Variants in CLEC16A observed in about 807,000 individuals in gnomAD.
The protein encoded by CLEC16A is C-type lectin domain containing 16A, also known as protein CLEC16A.
In CLEC16A, 51 loss-of-function variants were observed where a neutral mutation model predicts 109.5. The ratio of observed to expected loss-of-function variants is 0.47; its 90% confidence interval spans 0.37 to 0.59. CLEC16A has a LOEUF of 0.59. Among genes scored for constraint, CLEC16A ranks in the 20% least tolerant of loss-of-function variants. The pLI is 0.00. For missense variants in CLEC16A, 1,339 were observed against 1,394.0 expected, an observed-to-expected ratio of 0.96 and a Z score of 0.63; for synonymous variants, 673 against 564.2, an observed-to-expected ratio of 1.19 and a Z score of -2.73.
chr16:11,114,128 CGTGT>C (rs3030600), intron 19 of CLEC16A, among the ~76,000 whole-genome samples: 10,307 of 127,110 alleles, frequency 0.081, 391 homozygotes, highest in Non-Finnish European at 0.099. Flanking sequence ...TGAGGATGGC[CGTGT>C]GTGTGTGTGT....
chr16:11,082,907 T>A (rs2049806998), intron 19 of CLEC16A, among the ~76,000 whole-genome samples: 1 of 152,150 alleles, frequency 6.6e-6, no homozygotes, highest in African/African-American at 2.4e-5. Flanking sequence ...TCCATCCAGT[T>A]AGGGAGAGTG....
rs552988990 is a variant in CLEC16A, at chr16:11,020,146, G to A, written c.1304-47G>A. On this transcript the variant is annotated intron_variant, in intron 11 of 23. Coordinates refer to ENST00000409790, the MANE Select transcript of CLEC16A (RefSeq NM_015226.3). ...ACATGAGCATGTGTATAAATCTAGG[G>A]CTGAAAAGCTGTCTGGACTCATCCC... 5.1e-6 allele frequency: 8 copies of A among 1,561,830 alleles called. No homozygotes were observed. In the South Asian group the frequency reaches 7.1e-5, roughly 14 times the overall value.
chr16:11,098,227 A>G lies in CLEC16A; in HGVS notation c.2117-22388A>G, dbSNP rs553579913. On this transcript the variant is annotated intron_variant, in intron 19 of 23. Coordinates refer to ENST00000409790, the MANE Select transcript of CLEC16A (RefSeq NM_015226.3). ...AATGAGTTCTCAGTGCCCACCCCTC[A>G]ACAGAAAAGCCAGAAGATGGAGACA... 2.6e-5 allele frequency among the ~76,000 whole-genome samples: 4 copies of G among 152,272 alleles called. No individual in the cohort carries two copies. The South Asian group carries it at 8.3e-4, about 32-fold the overall frequency.
intron 10 of CLEC16A, among the ~76,000 whole-genome samples, chr16:10,998,022 CT>C (rs2044431385): frequency 6.6e-6 from 1 of 152,170 alleles, no homozygotes; most frequent in Admixed American, 6.5e-5. Context: ...GGCACCCAGT[CT>C]TTGGTTGTTT....
chr16:11,011,699 C>T (rs1333412598), intron 11 of CLEC16A, among the ~76,000 whole-genome samples: 1 of 152,180 alleles, frequency 6.6e-6, no homozygotes, highest in East Asian at 1.9e-4. Context: ...GCTAGGAAAT[C>T]TATGTATGTA....
intron 19 of CLEC16A, among the ~76,000 whole-genome samples, chr16:11,082,222 A>G (rs570723138): frequency 4.1e-4 from 62 of 152,316 alleles, no homozygotes; most frequent in African/African-American, 1.3e-3. Context: ...GTGTGTATGT[A>G]CACCTGTACA....
intron 19 of CLEC16A, among the ~76,000 whole-genome samples, chr16:11,119,462 C>T (rs910256451): frequency 3.9e-5 from 6 of 152,180 alleles, no homozygotes; most frequent in Admixed American, 1.3e-4. Flanking sequence ...GATCATGGCT[C>T]ATTGCAGCCT....
intron 1 of CLEC16A, 71 bp downstream of exon 1, chr16:10,944,868 G>A (rs923654057): frequency 1.0e-5 from 14 of 1,399,104 alleles, no homozygotes; most frequent in East Asian, 2.5e-5. Context: ...TCCGGGTCGG[G>A]GCTCTAGGAG....
intron 3 of CLEC16A, among the ~76,000 whole-genome samples, chr16:10,965,850 A>T (rs946203576): frequency 2.0e-5 from 3 of 152,218 alleles, no homozygotes; most frequent in African/African-American, 7.2e-5. Context: ...GAGGCCCTGG[A>T]AAAGTCCCTG....
chr16:11,033,840 G>A (rs375269033), intron 13 of CLEC16A, among the ~76,000 whole-genome samples: 8 of 152,372 alleles, frequency 5.3e-5, no homozygotes, highest in Non-Finnish European at 1.0e-4. Flanking sequence ...TTGTGATTCA[G>A]TTGGGCCACA....
chr16:10,959,771 C>G (rs767227344), intron 2 of CLEC16A, among the ~76,000 whole-genome samples: 4 of 151,516 alleles, frequency 2.6e-5, no homozygotes, highest in African/African-American at 9.7e-5. Context: ...TCCCCCTTGA[C>G]TAGAATGGAC....
chr16:10,964,683 G>T (rs2042416228), intron 3 of CLEC16A, among the ~76,000 whole-genome samples: 1 of 152,204 alleles, frequency 6.6e-6, no homozygotes, highest in Non-Finnish European at 1.5e-5. Flanking sequence ...ATTGAGATGG[G>T]GGTGGGGCGA....
intron 13 of CLEC16A, 85 bp from the exon 14 acceptor site, chr16:11,039,669 G>A: frequency 2.1e-6 from 3 of 1,427,058 alleles, no homozygotes; most frequent in Non-Finnish European, 2.8e-6. Context: ...CTGAAGTTGA[G>A]GAAACCCCAC....
At chr16:11,176,921 T>G (rs1346058595) in intron 23 of CLEC16A, among the ~76,000 whole-genome samples, 1 of 152,236 alleles carries the variant, frequency 6.6e-6, no homozygotes, top group Non-Finnish European at 1.5e-5. Context: ...TATTTCGTTC[T>G]TTGTTTTTCC....
intron 19 of CLEC16A, among the ~76,000 whole-genome samples, chr16:11,109,674 C>T (rs1022227479): frequency 2.8e-4 from 43 of 152,198 alleles, no homozygotes; most frequent in Non-Finnish European, 4.9e-4. Context: ...ACCACAGCCC[C>T]TCCCTCACAC....
chr16:10,977,093 G>A (rs1439368223), intron 7 of CLEC16A, 132 bp from the exon 8 acceptor site: 3 of 816,738 alleles, frequency 3.7e-6, no homozygotes, highest in Non-Finnish European at 5.8e-6. Context: ...GTAGGGGCCA[G>A]GATAAGTGTC....
chr16:11,114,404 A>G (rs1459519693), intron 19 of CLEC16A, among the ~76,000 whole-genome samples: 9 of 152,116 alleles, frequency 5.9e-5, no homozygotes, highest in Admixed American at 4.6e-4. Flanking sequence ...ATGACCAGGC[A>G]GTCTCATGTC....
At chr16:11,062,280 G>T (rs1197484486) in intron 19 of CLEC16A, among the ~76,000 whole-genome samples, 2 of 152,132 alleles carry the variant, frequency 1.3e-5, no homozygotes, top group Non-Finnish European at 2.9e-5. Flanking sequence ...TAGCACTGTT[G>T]TTGCTGTTTT....
chr16:11,151,760 A>G (rs1267569064), intron 22 of CLEC16A, among the ~76,000 whole-genome samples: 2 of 152,198 alleles, frequency 1.3e-5, no homozygotes, highest in African/African-American at 4.8e-5. Flanking sequence ...AGCTCATGGC[A>G]GCCTGCACCA....
Sources: allele counts gnomAD v4.1 joint callset (sites outside exome capture counted in the v4.1 genomes callset), GRCh38; gene constraint gnomAD v4.1.1; transcripts MANE v1.5; gene names NCBI Gene and HGNC (gene_info 2026-07-23, HGNC 2026-07-21).